NDUFA5: variants seen among roughly 807,000 people sequenced by gnomAD.
NDUFA5 encodes the protein NADH:ubiquinone oxidoreductase subunit A5.
A neutral mutation model predicts 19.8 loss-of-function variants in NDUFA5; 11 were observed. The ratio of observed to expected loss-of-function variants is 0.56; its 90% CI spans 0.35 to 0.92. The LOEUF (loss-of-function observed/expected upper bound fraction) is 0.92, where lower values mean the gene tolerates loss of function less well. Among genes scored for constraint, NDUFA5 ranks in the 40% least tolerant of loss-of-function variants. The pLI is 0.01. For missense variants in NDUFA5, 109 were observed against 134.2 expected (o/e 0.81, Z 0.93); for synonymous variants, 47 against 46.8 (o/e 1.00, Z -0.01).
Position 123,550,619 on chromosome 7 carries a change from T to A in NDUFA5, c.67-33A>T, listed in dbSNP as rs1244993132. On this transcript the variant is annotated intron_variant, in intron 2 of 4. Coordinates refer to ENST00000355749, the MANE Select transcript of NDUFA5 (RefSeq NM_005000.5). The stretch of plus-strand genomic sequence containing the variant: ...GACAAACCATACAAATTTCCATAGG[T>A]TAAAATATTACCAAAGACTTAATGG... 4 of 1,283,788 alleles carry A rather than the reference T, an allele frequency of 3.1e-6. No homozygotes were observed. The South Asian group carries it at 3.7e-5, about 12-fold the overall frequency. 79.5% of individuals were successfully genotyped at this position (1,283,788 alleles called of 1,614,324 possible).
rs139045446 is a variant in NDUFA5, at chr7:123,550,505, G to A, written c.148C>T (p.Gln50Ter). 3.3e-5 allele frequency: 53 copies of A among 1,609,234 alleles called. No homozygotes were observed. The highest frequency in any genetic ancestry group is 6.7e-5 in the Admixed American group (4 of 59,794). The change falls in exon 3 of 5, where the codon CAG becomes TAG. Residue 50 changes from glutamine (Q) to a stop codon, truncating the protein, a stop_gained. Coordinates refer to ENST00000355749, the MANE Select transcript of NDUFA5 (RefSeq NM_005000.5). LOFTEE classifies it high-confidence loss of function. ...KNAAYRKYTE[Q>*]ITNEKLAMVK... The stretch of plus-strand genomic sequence containing the variant: ...ATAGCCAGCTTCTCATTTGTAATCT[G>A]TTCTGTATACTTTCTATATGCTGCA...
chr7:123,587,175 T>C, the NDUFA5 span, among the ~76,000 whole-genome samples: 1 of 151,796 alleles, frequency 6.6e-6, no homozygotes, highest in Non-Finnish European at 1.5e-5. Flanking sequence ...ATTTTAACAC[T>C]GTTAATTCTT....
chr7:123,545,267 A>G (rs946924483), intron 4 of NDUFA5, among the ~76,000 whole-genome samples: 10 of 152,106 alleles, frequency 6.6e-5, no homozygotes, highest in African/African-American at 2.4e-4. Flanking sequence ...ATTTTTCCCT[A>G]CTAAAAATAT....
chr7:123,575,977 T>A, the NDUFA5 span, among the ~76,000 whole-genome samples: 1 of 151,498 alleles, frequency 6.6e-6, no homozygotes, highest in Non-Finnish European at 1.5e-5. Context: ...TTTCAATTCT[T>A]GTTGGCTTCT....
At chr7:123,546,777 C>T (rs1297173855) in intron 3 of NDUFA5, 1 of 953,276 alleles carries the variant, frequency 1.0e-6, no homozygotes, top group Non-Finnish European at 1.5e-6. Flanking sequence ...CAAATAACAC[C>T]TTCTTATTGA....
intron 2 of NDUFA5, chr7:123,556,836 C>T (rs1167408867): frequency 5.9e-6 from 3 of 510,192 alleles, no homozygotes; most frequent in African/African-American, 2.0e-5. Context: ...CCAAGGGTGA[C>T]TGAGTGCATT....
At chr7:123,568,984 T>C in the NDUFA5 span, among the ~76,000 whole-genome samples, 3,933 of 152,196 alleles carry the variant, frequency 0.026, 167 homozygotes, top group African/African-American at 0.089. Context: ...ACAGCTAAAA[T>C]AGAGAAAGGA....
chr7:123,574,660 T>C, the NDUFA5 span, among the ~76,000 whole-genome samples: 1 of 152,114 alleles, frequency 6.6e-6, no homozygotes, highest in Admixed American at 6.6e-5. Flanking sequence ...TGAACCTCAT[T>C]CTACTTGCCA....
the NDUFA5 span, among the ~76,000 whole-genome samples, chr7:123,593,654 G>A: frequency 6.6e-6 from 1 of 152,108 alleles, no homozygotes; most frequent in Non-Finnish European, 1.5e-5. Context: ...CCACTGTTAA[G>A]TCTGATGGGC....
At chr7:123,576,398 T>C in the NDUFA5 span, among the ~76,000 whole-genome samples, 122 of 152,280 alleles carry the variant, frequency 8.0e-4, no homozygotes, top group African/African-American at 2.9e-3. Flanking sequence ...ATCTGTTCAA[T>C]GGCAACATTT....
chr7:123,592,068 T>A, the NDUFA5 span, among the ~76,000 whole-genome samples: 6 of 152,318 alleles, frequency 3.9e-5, no homozygotes, highest in East Asian at 9.6e-4. Flanking sequence ...TTCTTCTAGA[T>A]ATTTTAGTTT....
At chr7:123,599,612 T>C in the NDUFA5 span, among the ~76,000 whole-genome samples, 7 of 152,218 alleles carry the variant, frequency 4.6e-5, no homozygotes, top group Non-Finnish European at 8.8e-5. Flanking sequence ...TCACAAACAA[T>C]GCTACCTAAA....
intron 2 of NDUFA5, among the ~76,000 whole-genome samples, chr7:123,554,520 A>T (rs1798467256): frequency 7.1e-6 from 1 of 140,342 alleles, no homozygotes; most frequent in South Asian, 2.1e-4. Context: ...TGTGCCGTTC[A>T]AAGTAGTGTG....
rs1797778010 is a variant in NDUFA5, at chr7:123,537,178, T to TCTA, written c.*4938_*4940dup. On this transcript the variant is annotated 3_prime_UTR_variant, in exon 5 of 5. Coordinates refer to ENST00000355749, the MANE Select transcript of NDUFA5 (RefSeq NM_005000.5). ...ACGACTTCGTATTTCTCATGAAACA[T>TCTA]CTACCTTTATTCATCTCAGCATTTA... The TCTA allele has an allele frequency of 6.6e-6, 1 of 152,208 alleles. No individual in the cohort carries two copies. The highest frequency in any genetic ancestry group is 6.5e-5 in the Admixed American group (1 of 15,282). 9.4% of individuals were successfully genotyped at this position (152,208 alleles called of 1,614,324 possible).
chr7:123,590,718 G>A, the NDUFA5 span, among the ~76,000 whole-genome samples: 7 of 152,132 alleles, frequency 4.6e-5, no homozygotes, highest in African/African-American at 1.4e-4. Context: ...AGTATAGTTC[G>A]ATGTCAGGTA....
At chr7:123,581,124 A>G in the NDUFA5 span, among the ~76,000 whole-genome samples, 1 of 151,726 alleles carries the variant, frequency 6.6e-6, no homozygotes, top group Non-Finnish European at 1.5e-5. Context: ...TGTCCCACCA[A>G]CCTCCTTCAG....
the NDUFA5 span, among the ~76,000 whole-genome samples, chr7:123,579,619 G>C: frequency 2.6e-5 from 4 of 152,034 alleles, no homozygotes; most frequent in Non-Finnish European, 4.4e-5. Flanking sequence ...TTTAGAACAA[G>C]TTTGCAACAT....
the NDUFA5 span, among the ~76,000 whole-genome samples, chr7:123,572,706 C>CT: frequency 5.4e-5 from 8 of 147,816 alleles, no homozygotes; most frequent in African/African-American, 1.0e-4. Flanking sequence ...CACTCTATCT[C>CT]TTTTTTTTCA....
At chr7:123,546,847 A>C (rs770333168) in intron 3 of NDUFA5, 24 of 498,426 alleles carry the variant, frequency 4.8e-5, no homozygotes, top group Non-Finnish European at 7.9e-5. Context: ...ATATACATGT[A>C]TTAATTTCTA....
Sources: gnomAD v4.1 joint callset for allele counts (sites outside exome capture counted in the v4.1 genomes callset) on GRCh38, gnomAD v4.1.1 for gene constraint, MANE v1.5 for transcripts, NCBI Gene and HGNC (gene_info 2026-07-23, HGNC 2026-07-21) for gene names.